Variants in CDH4 observed in about 807,000 individuals in gnomAD.
The protein encoded by CDH4 is cadherin 4, also known as cadherin-4.
CDH4 carries 33 observed loss-of-function variants against 86.0 expected under a neutral mutation model. That is an observed-to-expected ratio of 0.38 (90% confidence interval 0.29 to 0.51). CDH4 has a LOEUF of 0.51. Ranked by LOEUF, CDH4 falls within the 20% of genes least tolerant of loss-of-function variation. The probability of loss-of-function intolerance (pLI) is 0.86; values close to 1 mark genes in which losing one functional copy is unlikely to be tolerated. For missense variants in CDH4, 1,114 were observed against 1,307.4 expected, an observed-to-expected ratio of 0.85 and a Z score of 2.28; for synonymous variants, 555 against 549.4, an observed-to-expected ratio of 1.01 and a Z score of -0.14.
intron 2 of CDH4, among the ~76,000 whole-genome samples, chr20:61,707,910 T>C (rs1025710335): frequency 6.6e-6 from 1 of 152,096 alleles, no homozygotes; most frequent in South Asian, 2.1e-4. Context: ...ATGTGTCTGG[T>C]GTGTTTGTTT....
intron 3 of CDH4, among the ~76,000 whole-genome samples, chr20:61,767,316 T>C (rs778430575): frequency 6.6e-6 from 1 of 152,136 alleles, no homozygotes; most frequent in Non-Finnish European, 1.5e-5. Context: ...AGAAAGTGAG[T>C]GGCTATCAGG....
At chr20:61,701,693 G>T (rs1247303532) in intron 2 of CDH4, among the ~76,000 whole-genome samples, 1 of 152,270 alleles carries the variant, frequency 6.6e-6, no homozygotes, top group Non-Finnish European at 1.5e-5. Flanking sequence ...GGCCTCCAGC[G>T]CTGGTAGCTT....
At chr20:61,927,879 G>A (rs1464929436) in intron 11 of CDH4, among the ~76,000 whole-genome samples, 2 of 152,324 alleles carry the variant, frequency 1.3e-5, no homozygotes, top group African/African-American at 4.8e-5. Flanking sequence ...GTGCGCAGTG[G>A]CTGTGTGCGT....
chr20:61,767,834 A>T (rs2088718506), intron 3 of CDH4, among the ~76,000 whole-genome samples: 2 of 152,180 alleles, frequency 1.3e-5, no homozygotes, highest in Non-Finnish European at 2.9e-5. Flanking sequence ...TGGGAGATAA[A>T]AGTAGGACCA....
At position 61,310,664 on chromosome 20, in the gene CDH4, G is replaced by A. The variant is rs141494217; in HGVS notation, c.169+55727G>A. On this transcript the variant is annotated intron_variant, in intron 2 of 15. Coordinates refer to ENST00000614565, the MANE Select transcript of CDH4 (RefSeq NM_001794.5). ...TCTGCAGCCCCGGGGTTGGGTACCC[G>A]CAGCTTAAACAACAGGAGGTCGTTT... Among the ~76,000 whole-genome samples, 173 of 152,090 alleles carry A rather than the reference G, an allele frequency of 1.1e-3. No homozygotes were observed. The East Asian group carries it at 0.025, about 22-fold the overall frequency.
chr20:61,565,189 C>CTCTTGGTGGTGGCGGTG (rs1214995436), intron 2 of CDH4, among the ~76,000 whole-genome samples: 10 of 31,516 alleles, frequency 3.2e-4, no homozygotes, highest in Non-Finnish European at 5.5e-4. Flanking sequence ...TGGTGGTGGT[C>CTCTTGGTGGTGGCGGTG]CTCTTGGTGG....
At chr20:61,540,102 G>A (rs1178794109) in intron 2 of CDH4, among the ~76,000 whole-genome samples, 1 of 152,118 alleles carries the variant, frequency 6.6e-6, no homozygotes, top group Non-Finnish European at 1.5e-5. Context: ...GGCTGAATAG[G>A]GTGCATGCAC....
At chr20:61,413,183 C>T (rs2085129036) in intron 2 of CDH4, among the ~76,000 whole-genome samples, 1 of 150,280 alleles carries the variant, frequency 6.7e-6, no homozygotes, top group East Asian at 2.0e-4. Context: ...ATTCGCAGAG[C>T]TTCCCCGCCC....
Position 61,714,465 on chromosome 20 carries a change from T to TC in CDH4, c.170-29098_170-29097insC, listed in dbSNP as rs397745814. Among the ~76,000 whole-genome samples, 4 of 151,842 alleles carry TC rather than the reference T, an allele frequency of 2.6e-5. No individual in the cohort carries two copies. The East Asian group carries it at 7.7e-4, about 29-fold the overall frequency. ...GTAGCCTTAGGGATACAAGTGTTTT[T>TC]GGTGACATGGATGAATTGTACAGCG... On this transcript the variant is annotated intron_variant, in intron 2 of 15. Coordinates refer to ENST00000614565, the MANE Select transcript of CDH4 (RefSeq NM_001794.5).
intron 2 of CDH4, among the ~76,000 whole-genome samples, chr20:61,506,724 G>A (rs752084060): frequency 2.0e-5 from 3 of 152,308 alleles, no homozygotes; most frequent in South Asian, 2.1e-4. Context: ...CGACCTGCAC[G>A]TTATGAGAGC....
intron 2 of CDH4, among the ~76,000 whole-genome samples, chr20:61,530,479 G>A (rs1210412203): frequency 1.3e-5 from 2 of 152,106 alleles, no homozygotes; most frequent in Non-Finnish European, 2.9e-5. Flanking sequence ...CATCACTGTG[G>A]TGGAGGGATG....
At chr20:61,346,290 G>A (rs1478294793) in intron 2 of CDH4, among the ~76,000 whole-genome samples, 1 of 151,954 alleles carries the variant, frequency 6.6e-6, no homozygotes, top group Non-Finnish European at 1.5e-5. Context: ...CAGGGGCCAT[G>A]AGTAGAATCA....
intron 2 of CDH4, among the ~76,000 whole-genome samples, chr20:61,304,140 A>C (rs535913105): frequency 2.0e-5 from 3 of 152,292 alleles, no homozygotes; most frequent in Non-Finnish European, 4.4e-5. Context: ...GCTGCAGATC[A>C]GGAAACTGTC....
At chr20:61,598,900 C>T (rs1231343298) in intron 2 of CDH4, among the ~76,000 whole-genome samples, 6 of 152,224 alleles carry the variant, frequency 3.9e-5, no homozygotes, top group Non-Finnish European at 7.3e-5. Flanking sequence ...GCTGACACTG[C>T]GCAGCCTGGG....
intron 2 of CDH4, among the ~76,000 whole-genome samples, chr20:61,260,706 C>T (rs2084123421): frequency 6.6e-6 from 1 of 152,218 alleles, no homozygotes. Flanking sequence ...AATGGGCACG[C>T]AGAGCCCATG....
Position 61,884,303 on chromosome 20 carries a change from G to A in CDH4, c.1050+10403G>A, listed in dbSNP as rs187164911. ...TGTCCTGGCTGTGCAAAGGGCAGCT[G>A]AGCAGAAGGTTGAGTGAGACACGCT... On this transcript the variant is annotated intron_variant, in intron 7 of 15. Coordinates refer to ENST00000614565, the MANE Select transcript of CDH4 (RefSeq NM_001794.5). 1.7e-4 allele frequency among the ~76,000 whole-genome samples: 26 copies of A among 152,328 alleles called. No individual in the cohort carries two copies. The East Asian group carries it at 4.8e-3, about 28-fold the overall frequency.
chr20:61,537,899 C>T (rs7261035), intron 2 of CDH4, among the ~76,000 whole-genome samples: 50,643 of 152,124 alleles, frequency 0.33, 14,096 homozygotes, highest in African/African-American at 0.76. Flanking sequence ...GCGTGGCCTG[C>T]TGTCTCCAGT....
chr20:61,692,177 TTA>T (rs976693340), intron 2 of CDH4, among the ~76,000 whole-genome samples: 11 of 129,076 alleles, frequency 8.5e-5, no homozygotes, highest in Admixed American at 1.5e-4. Flanking sequence ...ATGTATGTGT[TTA>T]TATGTGTCTG....
chr20:61,822,172 A>G (rs144451964), intron 4 of CDH4, among the ~76,000 whole-genome samples: 134 of 152,356 alleles, frequency 8.8e-4, no homozygotes, highest in African/African-American at 3.1e-3. Flanking sequence ...GCTCTAACGT[A>G]CTGATGAATT....
Sources: gnomAD v4.1 joint callset for allele counts (sites outside exome capture counted in the v4.1 genomes callset) on GRCh38, gnomAD v4.1.1 for gene constraint, MANE v1.5 for transcripts, NCBI Gene and HGNC (gene_info 2026-07-23, HGNC 2026-07-21) for gene names.